MET: variants seen among roughly 807,000 people sequenced by gnomAD.
MET encodes the protein MET proto-oncogene, receptor tyrosine kinase.
A neutral mutation model predicts 133.1 loss-of-function variants in MET; 48 were observed. The observed-to-expected ratio is 0.36, with a 90% CI of 0.29 to 0.46. The LOEUF (loss-of-function observed/expected upper bound fraction) is 0.46, where lower values mean the gene tolerates loss of function less well. Ranked by LOEUF, MET falls within the 20% of genes least tolerant of loss-of-function variation. The pLI is 1.00. For missense variants in MET, 1,442 were observed against 1,695.9 expected, an observed-to-expected ratio of 0.85 and a Z score of 2.63; for synonymous variants, 628 against 616.5, an observed-to-expected ratio of 1.02 and a Z score of -0.28.
intron 2 of MET, among the ~76,000 whole-genome samples, chr7:116,707,134 C>G (rs1385939015): frequency 1.3e-5 from 2 of 151,860 alleles, no homozygotes; most frequent in Non-Finnish European, 2.9e-5. Flanking sequence ...TGTAGCTACC[C>G]ATATATACTT....
chr7:116,731,944 C>G, intron 3 of MET, 85 bp downstream of exon 3: 1 of 1,321,992 alleles, frequency 7.6e-7, no homozygotes, highest in Non-Finnish European at 1.1e-6. Flanking sequence ...AAGGTATTTG[C>G]AAATACTGTA....
intron 12 of MET, 199 bp downstream of exon 12, chr7:116,769,990 C>A: frequency 1.4e-6 from 1 of 720,688 alleles, no homozygotes. Flanking sequence ...GGAGGTAGAT[C>A]TCAAAAGTTC....
intron 1 of MET, among the ~76,000 whole-genome samples, chr7:116,687,470 A>T (rs1259294863): frequency 6.6e-6 from 1 of 152,130 alleles, no homozygotes; most frequent in East Asian, 1.9e-4. Context: ...ACATAATGCT[A>T]TTCATATACT....
chr7:116,772,757 G>T (rs776653997), intron 14 of MET, among the ~76,000 whole-genome samples: 4 of 152,256 alleles, frequency 2.6e-5, no homozygotes, highest in Non-Finnish European at 5.9e-5. Flanking sequence ...AAAGTTAGAA[G>T]TTGCTCATCC....
chr7:116,795,976 C>G lies in MET; in HGVS notation c.4025C>G (p.Ser1342Cys), dbSNP rs2117111729. Residue 1342 changes from serine (S) to cysteine (C), a missense_variant, in exon 21 of 21, where the codon TCT becomes TGT. Ser to Cys is a moderately radical substitution (Grantham distance 112). This residue lies in a region of MET where 94 missense variants were observed against 109.5 expected (regional missense o/e 0.86). Coordinates refer to ENST00000397752, the MANE Select transcript of MET (RefSeq NM_000245.4). ...GTGTCCCGGATATCAGCGATCTTCT[C>G]TACTTTCATTGGGGAGCACTATGTC... ...ELVSRISAIF[S>C]TFIGEHYVHV... 6.2e-7 allele frequency: 1 copy of G among 1,614,148 alleles called. No homozygotes were observed. Among genetic ancestry groups the G allele is most frequent in the Non-Finnish European group, 8.5e-7 (1 of 1,179,994 alleles).
intron 2 of MET, among the ~76,000 whole-genome samples, chr7:116,716,417 GAGTA>G (rs933909284): frequency 1.4e-5 from 2 of 145,158 alleles, no homozygotes; most frequent in African/African-American, 5.1e-5. Context: ...AAGAAAGAAA[GAGTA>G]AGGAAGGAAA....
intron 2 of MET, chr7:116,724,793 A>G: frequency 7.8e-7 from 1 of 1,287,036 alleles, no homozygotes; most frequent in South Asian, 1.2e-5. Flanking sequence ...GCTAGATTGG[A>G]GGTGAAGACC....
chr7:116,706,531 A>G (rs560016183), intron 2 of MET, among the ~76,000 whole-genome samples: 1 of 152,236 alleles, frequency 6.6e-6, no homozygotes, highest in South Asian at 2.1e-4. Context: ...CTTGAGTAAT[A>G]ATGTATATTT....
chr7:116,771,960 C>T lies in MET; in HGVS notation c.2999C>T (p.Ser1000Phe), dbSNP rs1794850395. ...ACTACAGAAATGGTTTCAAATGAAT[C>T]TGTAGACTACCGAGCTACTTTTCCA... ...SPTTEMVSNE[S>F]VDYRATFPED... Residue 1000 changes from serine (S) to phenylalanine (F), a missense_variant, in exon 14 of 21, where the codon TCT becomes TTT. Transcript: ENST00000397752. The T allele has an allele frequency of 6.2e-7, 1 of 1,613,868 alleles. No individual in the cohort carries two copies. Among genetic ancestry groups the T allele is most frequent in the Non-Finnish European group, 8.5e-7 (1 of 1,179,830 alleles).
chr7:116,789,627 T>G (rs1795423116), intron 19 of MET, among the ~76,000 whole-genome samples: 3 of 152,194 alleles, frequency 2.0e-5, no homozygotes, highest in African/African-American at 4.8e-5. Context: ...AGAGTTTTAC[T>G]TTTTCTAAAA....
At position 116,769,606 on chromosome 7, in the gene MET, T is replaced by C. The variant is rs775150626; in HGVS notation, c.2584-39T>C. 4 of 1,605,736 alleles carry C rather than the reference T, an allele frequency of 2.5e-6. No homozygotes were observed. The Admixed American group carries it at 6.7e-5, about 27-fold the overall frequency. Reference sequence around the variant, plus strand: ...CATTGTTAGCATTCCTGCAGAACTGTGAAGTGTTAACAACCTTTTTTTTTT... The same window carrying C: ...CATTGTTAGCATTCCTGCAGAACTGCGAAGTGTTAACAACCTTTTTTTTTT... On this transcript the variant is annotated intron_variant, in intron 11 of 20. Coordinates refer to ENST00000397752, the MANE Select transcript of MET (RefSeq NM_000245.4).
At position 116,778,907 on chromosome 7, in the gene MET, C is replaced by T. The variant is rs766489685; in HGVS notation, c.3472C>T (p.Pro1158Ser). The change falls in exon 17 of 21, where the codon CCA becomes TCA. Residue 1158 changes from proline to serine, a missense_variant. Pro to Ser is a moderately conservative substitution (Grantham distance 74, BLOSUM62 -1). Transcript: ENST00000397752. ...TGAAGGGTCTCCGCTGGTGGTCCTA[C>T]CATACATGAAACATGGAGATCTTCG... ...RSEGSPLVVL[P>S]YMKHGDLRNF... 6.2e-7 allele frequency: 1 copy of T among 1,613,996 alleles called. No individual in the cohort carries two copies. The highest frequency in any genetic ancestry group is 2.2e-5 in the East Asian group (1 of 44,880).
intron 1 of MET, among the ~76,000 whole-genome samples, chr7:116,692,921 G>A (rs1182370361): frequency 6.6e-6 from 1 of 152,070 alleles, no homozygotes; most frequent in Non-Finnish European, 1.5e-5. Context: ...TGGTTAAATG[G>A]CTAGCTCTAT....
chr7:116,775,669 A>T (rs992791698), intron 15 of MET, among the ~76,000 whole-genome samples: 5 of 152,192 alleles, frequency 3.3e-5, no homozygotes, highest in Non-Finnish European at 5.9e-5. Context: ...GTTGTGCCAC[A>T]GCACTCCAGC....
chr7:116,769,696 A>G lies in MET; in HGVS notation c.2635A>G (p.Asn879Asp), dbSNP rs1794768272. 1 of 1,613,706 alleles carries G rather than the reference A, an allele frequency of 6.2e-7. No homozygotes were observed. Among genetic ancestry groups the G allele is most frequent in the African/African-American group, 1.3e-5 (1 of 74,842 alleles). ...TAAAGGTGAAGTGTTAAAAGTTGGA[A>G]ATAAGAGCTGTGAGAATATACACTT... is the stretch of plus-strand genomic sequence containing the variant. The part of the protein sequence containing the change: ...AVKGEVLKVG[N>D]KSCENIHLHS... Residue 879 changes from asparagine (N) to aspartate (D), a missense_variant, in exon 12 of 21, where the codon AAT becomes GAT. This residue lies in a region of MET where 514 missense variants were observed against 659.6 expected (regional missense o/e 0.78). Coordinates refer to ENST00000397752, the MANE Select transcript of MET (RefSeq NM_000245.4).
chr7:116,675,604 G>A (rs1011324394), intron 1 of MET, among the ~76,000 whole-genome samples: 1 of 152,038 alleles, frequency 6.6e-6, no homozygotes, highest in African/African-American at 2.4e-5. Flanking sequence ...TATTTCAATA[G>A]CACCATACCA....
intron 5 of MET, among the ~76,000 whole-genome samples, chr7:116,742,594 T>C (rs2116848849): frequency 6.6e-6 from 1 of 152,358 alleles, no homozygotes; most frequent in African/African-American, 2.4e-5. Context: ...AAATGAAACA[T>C]TTAATTTTTA....
At position 116,706,888 on chromosome 7, in the gene MET, ATTT is replaced by A. The variant is rs35404902; in HGVS notation, c.1200+6621_1200+6623del. 1.0e-3 allele frequency among the ~76,000 whole-genome samples: 143 copies of A among 139,098 alleles called. 1 individual carries two copies. Among genetic ancestry groups the A allele is most frequent in the Middle Eastern group, 3.8e-3 (1 of 262 alleles). 91.3% of individuals were successfully genotyped at this position (139,098 alleles called of 152,430 possible). ...GAAGTCATTAAAACTCCTTCCCTTGATTTTTTTTTTTTTTTTTTTAAATAGTAT... is the reference window on the plus strand; with the variant it reads ...GAAGTCATTAAAACTCCTTCCCTTGATTTTTTTTTTTTTTTTAAATAGTAT... On this transcript the variant is annotated intron_variant, in intron 2 of 20. Transcript: ENST00000397752.
chr7:116,753,179 A>T (rs1793995215), intron 5 of MET, among the ~76,000 whole-genome samples: 1 of 152,206 alleles, frequency 6.6e-6, no homozygotes, highest in Non-Finnish European at 1.5e-5. Context: ...CTTAGGAAGG[A>T]TGGAAATGTT....
Sources: allele counts gnomAD v4.1 joint callset (sites outside exome capture counted in the v4.1 genomes callset), GRCh38; gene constraint gnomAD v4.1.1; regional missense constraint gnomAD v4.1.1; transcripts MANE v1.5; gene names NCBI Gene and HGNC (gene_info 2026-07-23, HGNC 2026-07-21).